HERC2: variants seen among roughly 807,000 people sequenced by gnomAD.
HERC2 encodes the protein E3 ubiquitin-protein ligase HERC2.
A neutral mutation model predicts 537.7 loss-of-function variants in HERC2; 102 were observed. That is an observed-to-expected ratio of 0.19 (90% CI 0.16 to 0.22). HERC2 has a LOEUF of 0.22. HERC2 is among the 10% of genes least tolerant of loss of function. The probability of loss-of-function intolerance (pLI) is 1.00; values close to 1 mark genes in which losing one functional copy is unlikely to be tolerated. For synonymous variants in HERC2, 2,224 were observed against 2,466.2 expected (o/e 0.90, Z 2.91); for missense variants, 4,236 against 6,198.2 (o/e 0.68, Z 10.63).
intron 83 of HERC2, among the ~76,000 whole-genome samples, chr15:28,128,271 G>A (rs1057204504): frequency 1.3e-5 from 2 of 152,180 alleles, no homozygotes; most frequent in African/African-American, 4.8e-5. Context: ...ATGGGCATGG[G>A]CGTCAGGCGG....
chr15:28,304,563 T>C (rs1167243046), intron 2 of HERC2, among the ~76,000 whole-genome samples: 1 of 152,016 alleles, frequency 6.6e-6, no homozygotes, highest in Non-Finnish European at 1.5e-5. Flanking sequence ...AGACAGGGTA[T>C]CACCGTGTTG....
chr15:28,272,633 G>A (rs935228253), intron 8 of HERC2, among the ~76,000 whole-genome samples: 4 of 151,418 alleles, frequency 2.6e-5, no homozygotes, highest in African/African-American at 9.7e-5. Context: ...GAAAGTTCTA[G>A]GATCTTAAAT....
At chr15:28,236,863 C>T (rs1227681487) in intron 26 of HERC2, 100 bp downstream of exon 26, 2 of 852,388 alleles carry the variant, frequency 2.3e-6, no homozygotes, top group African/African-American at 3.4e-5. Flanking sequence ...GCTGGGATTA[C>T]AGGCATGAAC....
At chr15:28,194,153 C>A (rs1897116345) in intron 52 of HERC2, among the ~76,000 whole-genome samples, 1 of 150,906 alleles carries the variant, frequency 6.6e-6, no homozygotes, top group African/African-American at 2.4e-5. Flanking sequence ...GCAAGCTCCA[C>A]ATCCTGGGTT....
intron 16 of HERC2, among the ~76,000 whole-genome samples, chr15:28,258,253 C>G (rs2075320786): frequency 6.6e-6 from 1 of 151,988 alleles, no homozygotes; most frequent in South Asian, 2.1e-4. Context: ...CGGGGATCAC[C>G]TGAGGTCAGG....
In HERC2 at chr15:28,192,029, C is replaced by T. The variant is rs755344253; in HGVS notation, c.8383G>A (p.Val2795Met). ...MVKSLNVSSSVNQASRLIDGS... is the reference protein window; with the variant it reads ...MVKSLNVSSSMNQASRLIDGS... Reference sequence around the variant, plus strand: ...TCAATGAGACGGGATGCCTGGTTCACGGAGGACGACACATTCAGGCTCTTC... The same window carrying T: ...TCAATGAGACGGGATGCCTGGTTCATGGAGGACGACACATTCAGGCTCTTC... Residue 2795 changes from valine to methionine, a missense_variant, in exon 53 of 93, where the codon GTG becomes ATG. Physicochemically the swap from Val to Met is conservative, Grantham distance 21. Transcript: ENST00000261609. The T allele has an allele frequency of 1.4e-5, 22 of 1,613,910 alleles. No homozygotes were observed. The highest frequency in any genetic ancestry group is 1.0e-4 in the Admixed American group (6 of 60,004).
chr15:28,167,498 GAAGCAGT>G (rs1358263244), intron 68 of HERC2, among the ~76,000 whole-genome samples, 182 bp downstream of exon 68: 2 of 152,200 alleles, frequency 1.3e-5, no homozygotes, highest in Admixed American at 1.3e-4. Flanking sequence ...AATACACGTG[GAAGCAGT>G]AAGCAGTGAC....
At chr15:28,243,224 C>T (rs1903310182) in intron 23 of HERC2, among the ~76,000 whole-genome samples, 1 of 152,180 alleles carries the variant, frequency 6.6e-6, no homozygotes, top group Non-Finnish European at 1.5e-5. Flanking sequence ...AAAAAAGTGA[C>T]ATGTGACCCC....
intron 80 of HERC2, 109 bp from the exon 81 acceptor site, chr15:28,132,370 C>T (rs1188333971): frequency 9.2e-7 from 1 of 1,084,820 alleles, no homozygotes; most frequent in East Asian, 2.8e-5. Context: ...CTGTTTTAAG[C>T]CTTTACAAAG....
intron 4 of HERC2, among the ~76,000 whole-genome samples, chr15:28,287,196 GTTTTTC>G (rs2076179612): frequency 1.3e-5 from 2 of 152,128 alleles, no homozygotes; most frequent in Non-Finnish European, 2.9e-5. Context: ...AAATTAATGT[GTTTTTC>G]TTTTTAGGCT....
At chr15:28,214,029 T>C in intron 41 of HERC2, 47 bp downstream of exon 41, 5 of 1,610,884 alleles carry the variant, frequency 3.1e-6, no homozygotes, top group Non-Finnish European at 4.2e-6. Context: ...GCCCAATCCC[T>C]ACAGGTTCAC....
rs74005631 is a variant in HERC2, at chr15:28,149,754, C to T, written c.10900+2923G>A. Among the ~76,000 whole-genome samples the T allele has an allele frequency of 3.1e-3, 462 of 150,512 alleles. 5 individuals carry two copies. Among genetic ancestry groups the T allele is most frequent in the African/African-American group, 0.011 (444 of 40,930 alleles). Reference sequence around the variant, plus strand: ...TTACCGAAAAAACACACGCGACTTCCAACCAAGAACGGTCACACCAATGTA... The same window carrying T: ...TTACCGAAAAAACACACGCGACTTCTAACCAAGAACGGTCACACCAATGTA... On this transcript the variant is annotated intron_variant, in intron 70 of 92. Transcript: ENST00000261609.
At chr15:28,204,506 G>A (rs926178986) in intron 45 of HERC2, among the ~76,000 whole-genome samples, 1 of 151,798 alleles carries the variant, frequency 6.6e-6, no homozygotes, top group African/African-American at 2.4e-5. Flanking sequence ...TGTAGTCCTA[G>A]CTACTCGGGA....
intron 86 of HERC2, among the ~76,000 whole-genome samples, chr15:28,119,237 T>C (rs1485574690): frequency 5.3e-5 from 8 of 151,260 alleles, no homozygotes; most frequent in African/African-American, 2.0e-4. Context: ...CTACTAAAAA[T>C]ACAAAAAAAA....
chr15:28,177,681 A>T lies in HERC2; in HGVS notation c.9164-172T>A, dbSNP rs550768216. On this transcript the variant is annotated intron_variant, in intron 59 of 92. Transcript: ENST00000261609. This position sits in a 1 kb window ranked among gnomAD's most constrained non-coding sequence, Gnocchi z 5.0. The stretch of plus-strand genomic sequence containing the variant: ...AGTTAGCAGGAAAGCTTCCTGGGAC[A>T]TATGTGCCAAATAGGTGAATTTTCA... Among the ~76,000 whole-genome samples, 1 of 152,262 alleles carries T rather than the reference A, an allele frequency of 6.6e-6. No homozygotes were observed. The highest frequency in any genetic ancestry group is 6.5e-5 in the Admixed American group (1 of 15,288).
At chr15:28,194,307 C>T (rs1218105618) in intron 52 of HERC2, among the ~76,000 whole-genome samples, 1 of 147,302 alleles carries the variant, frequency 6.8e-6, no homozygotes, top group Non-Finnish European at 1.5e-5. Flanking sequence ...CCTCGTGATC[C>T]ACCCGCCTCG....
At chr15:28,245,118 C>G (rs1903527739) in intron 23 of HERC2, among the ~76,000 whole-genome samples, 1 of 152,106 alleles carries the variant, frequency 6.6e-6, no homozygotes, top group African/African-American at 2.4e-5. Context: ...GAGAGTCTTC[C>G]CATTATCAAT....
intron 21 of HERC2, among the ~76,000 whole-genome samples, chr15:28,248,322 T>G (rs934980034): frequency 6.6e-6 from 1 of 152,186 alleles, no homozygotes; most frequent in Non-Finnish European, 1.5e-5. Context: ...CAGGATGCTA[T>G]TACTGATGTC....
intron 4 of HERC2, among the ~76,000 whole-genome samples, chr15:28,285,987 C>A (rs2076148248): frequency 6.6e-6 from 1 of 151,800 alleles, no homozygotes; most frequent in Non-Finnish European, 1.5e-5. Flanking sequence ...TAAAATAGAT[C>A]ATTTGAATAG....
Sources: allele counts gnomAD v4.1 joint callset (sites outside exome capture counted in the v4.1 genomes callset), GRCh38; gene constraint gnomAD v4.1.1; non-coding constraint Gnocchi (gnomAD v3.1); transcripts MANE v1.5; gene names NCBI Gene and HGNC (gene_info 2026-07-23, HGNC 2026-07-21).